Variants in FMNL2 observed in about 807,000 individuals in gnomAD.
The protein encoded by FMNL2 is formin like 2.
In FMNL2, 51 loss-of-function variants were observed where a neutral mutation model predicts 130.2. The observed-to-expected ratio is 0.39, with a 90% CI of 0.31 to 0.49. The LOEUF (loss-of-function observed/expected upper bound fraction) is 0.49. Ranked by LOEUF, FMNL2 falls within the 20% of genes least tolerant of loss-of-function variation. FMNL2 has a pLI of 0.85. For missense variants in FMNL2, 977 were observed against 1,316.2 expected, an observed-to-expected ratio of 0.74 and a Z score of 3.99; for synonymous variants, 465 against 467.1, an observed-to-expected ratio of 1.00 and a Z score of 0.06.
intron 1 of FMNL2, among the ~76,000 whole-genome samples, chr2:152,337,121 G>C (rs910263069): frequency 3.9e-5 from 6 of 152,052 alleles, no homozygotes; most frequent in Non-Finnish European, 5.9e-5. Context: ...TGTGGCCGTC[G>C]GGGAGACAGA....
At chr2:152,385,681 C>CA (rs1226431511) in intron 1 of FMNL2, among the ~76,000 whole-genome samples, 2 of 152,186 alleles carry the variant, frequency 1.3e-5, no homozygotes, top group African/African-American at 4.8e-5. Context: ...TTGGTCTCTG[C>CA]AGAAGTTTGC....
At chr2:152,571,665 G>A (rs1208467772) in intron 6 of FMNL2, among the ~76,000 whole-genome samples, 2 of 152,188 alleles carry the variant, frequency 1.3e-5, no homozygotes, top group East Asian at 1.9e-4. Context: ...TATTCAAACA[G>A]GTAAACTAGG....
chr2:152,468,590 C>T (rs2105167655), intron 1 of FMNL2, among the ~76,000 whole-genome samples: 1 of 152,298 alleles, frequency 6.6e-6, no homozygotes, highest in Admixed American at 6.5e-5. Flanking sequence ...TTTTCCCCTA[C>T]TTCATTAATA....
rs58367779 is a variant in FMNL2 at position 152,338,820 on chromosome 2, TACAC to T, written c.117+3130_117+3133del. Among the ~76,000 whole-genome samples the T allele has an allele frequency of 2.4e-3, 351 of 148,950 alleles. 1 individual carries two copies. The highest frequency in any genetic ancestry group is 0.011 in the Middle Eastern group (3 of 284). On this transcript the variant is annotated intron_variant, in intron 1 of 25. Coordinates refer to ENST00000288670, the MANE Select transcript of FMNL2 (RefSeq NM_052905.4). ...TTTCAGGTACAGCTGGAAGGTGAGA[TACAC>T]ACACACACACACACACACACACACA...
At chr2:152,546,483 C>T (rs1028881463) in intron 3 of FMNL2, among the ~76,000 whole-genome samples, 5 of 152,080 alleles carry the variant, frequency 3.3e-5, no homozygotes, top group South Asian at 2.1e-4. Flanking sequence ...GCAGTTCAGG[C>T]GCTATCTGCC....
In FMNL2 at chr2:152,496,016, A is replaced by T. The variant is rs146074811; in HGVS notation, c.118-25927A>T. ...GAATTTCAGACTTAAAAAAAGTTGC[A>T]AACTAGTACAAGGAGTACTAGTTGC... On this transcript the variant is annotated intron_variant, in intron 1 of 25. Transcript: ENST00000288670. 8.0e-5 allele frequency among the ~76,000 whole-genome samples: 12 copies of T among 150,146 alleles called. No homozygotes were observed. The South Asian group carries it at 2.5e-3, about 31-fold the overall frequency.
intron 2 of FMNL2, among the ~76,000 whole-genome samples, chr2:152,542,338 G>A (rs1252834407): frequency 1.3e-5 from 2 of 152,172 alleles, no homozygotes; most frequent in African/African-American, 4.8e-5. Flanking sequence ...CAACATTGAA[G>A]ATATTCAAAA....
intron 4 of FMNL2, among the ~76,000 whole-genome samples, chr2:152,550,744 G>A (rs1579941273): frequency 6.6e-6 from 1 of 152,338 alleles, no homozygotes; most frequent in East Asian, 1.9e-4. Context: ...TATGAATCAG[G>A]AGCTAGATTC....
At chr2:152,547,135 G>A (rs530398402) in intron 3 of FMNL2, among the ~76,000 whole-genome samples, 15 of 152,212 alleles carry the variant, frequency 9.9e-5, no homozygotes, top group African/African-American at 3.4e-4. Context: ...TAGTGACAGA[G>A]TTTCTCCATG....
chr2:152,357,972 C>G (rs1414892163), intron 1 of FMNL2, among the ~76,000 whole-genome samples: 1 of 152,144 alleles, frequency 6.6e-6, no homozygotes. Flanking sequence ...ACATTTGAGT[C>G]AGTCAACTGG....
At chr2:152,336,635 AG>A (rs1294213285) in intron 1 of FMNL2, among the ~76,000 whole-genome samples, 2 of 152,124 alleles carry the variant, frequency 1.3e-5, no homozygotes, top group East Asian at 3.9e-4. Flanking sequence ...TGAGCTGCAG[AG>A]GGTGTGGCGG....
chr2:152,391,546 A>C (rs529041710), intron 1 of FMNL2, among the ~76,000 whole-genome samples: 19 of 152,106 alleles, frequency 1.2e-4, no homozygotes, highest in Admixed American at 1.2e-3. Flanking sequence ...TGTGATAGGA[A>C]TAGAGCTGTG....
chr2:152,514,382 G>A (rs570121984), intron 1 of FMNL2, among the ~76,000 whole-genome samples: 1 of 152,158 alleles, frequency 6.6e-6, no homozygotes, highest in East Asian at 1.9e-4. Context: ...TTACCTCCTG[G>A]TTTATTCTGT....
chr2:152,389,524 C>A (rs1049772591), intron 1 of FMNL2, among the ~76,000 whole-genome samples: 1 of 152,198 alleles, frequency 6.6e-6, no homozygotes, highest in Non-Finnish European at 1.5e-5. Flanking sequence ...ACTTTGTCTT[C>A]AGATAATTAG....
intron 1 of FMNL2, among the ~76,000 whole-genome samples, chr2:152,339,070 T>C (rs1681651424): frequency 6.6e-6 from 1 of 152,252 alleles, no homozygotes; most frequent in Non-Finnish European, 1.5e-5. Context: ...GGCCCTCCAT[T>C]GTATTTATTA....
In FMNL2 at chr2:152,487,168, A is replaced by G. The variant is rs201958680; in HGVS notation, c.118-34775A>G. Among the ~76,000 whole-genome samples the G allele has an allele frequency of 2.6e-5, 4 of 152,244 alleles. No individual in the cohort carries two copies. The East Asian group carries it at 5.8e-4, about 22-fold the overall frequency. The stretch of plus-strand genomic sequence containing the variant: ...CACATAAATCTTATATTCTACAGCA[A>G]TGAAAACTTGTCCCTAAGGGACTTT... On this transcript the variant is annotated intron_variant, in intron 1 of 25. Coordinates refer to ENST00000288670, the MANE Select transcript of FMNL2 (RefSeq NM_052905.4).
intron 1 of FMNL2, among the ~76,000 whole-genome samples, chr2:152,505,056 A>G (rs986964435): frequency 2.0e-5 from 3 of 152,178 alleles, no homozygotes; most frequent in Non-Finnish European, 2.9e-5. Context: ...GTTTATCTAA[A>G]GTTATTTGTA....
chr2:152,402,900 G>A lies in FMNL2; in HGVS notation c.117+67180G>A, dbSNP rs563824313. Among the ~76,000 whole-genome samples, 752 of 152,124 alleles carry A rather than the reference G, an allele frequency of 4.9e-3. 4 individuals carry two copies. Among genetic ancestry groups the A allele is most frequent in the Middle Eastern group, 0.01 (3 of 294 alleles). On this transcript the variant is annotated intron_variant, in intron 1 of 25. Transcript: ENST00000288670. Reference sequence around the variant, plus strand: ...GATACTTAATGTTCTTTTTCGGTCCGGGGATCCCATCCAGGATGCGGTGTC... The same window carrying A: ...GATACTTAATGTTCTTTTTCGGTCCAGGGATCCCATCCAGGATGCGGTGTC...
chr2:152,521,215 T>C (rs1163057664), intron 1 of FMNL2, among the ~76,000 whole-genome samples: 1 of 152,154 alleles, frequency 6.6e-6, no homozygotes, highest in Non-Finnish European at 1.5e-5. Flanking sequence ...GGACATTAGA[T>C]TCATGACATG....
Sources: allele counts gnomAD v4.1 joint callset (sites outside exome capture counted in the v4.1 genomes callset), GRCh38; gene constraint gnomAD v4.1.1; transcripts MANE v1.5; gene names NCBI Gene and HGNC (gene_info 2026-07-23, HGNC 2026-07-21).